KCNAB2: variants seen among roughly 807,000 people sequenced by gnomAD.
The protein encoded by KCNAB2 is voltage-gated potassium channel subunit beta-2.
A neutral mutation model predicts 63.6 loss-of-function variants in KCNAB2; 29 were observed. That is an observed-to-expected ratio of 0.46 (90% CI 0.34 to 0.62). The LOEUF (loss-of-function observed/expected upper bound fraction) is 0.62, where lower values mean the gene tolerates loss of function less well. Ranked by LOEUF, KCNAB2 falls within the 20% of genes least tolerant of loss-of-function variation. The pLI, the probability that KCNAB2 is intolerant of heterozygous loss-of-function variation, is 0.01. For synonymous variants in KCNAB2, 222 were observed against 224.2 expected (o/e 0.99, Z 0.09); for missense variants, 359 against 563.9 (o/e 0.64, Z 3.68).
At chr1:6,000,656 G>A (rs201849661) in intron 1 of KCNAB2, among the ~76,000 whole-genome samples, 431 of 141,620 alleles carry the variant, frequency 3.0e-3, no homozygotes, top group Non-Finnish European at 3.8e-3. Context: ...TCCCAGAAAA[G>A]AAAAAAAAAA....
At chr1:6,049,260 C>T (rs1661193980) in intron 1 of KCNAB2, among the ~76,000 whole-genome samples, 1 of 152,202 alleles carries the variant, frequency 6.6e-6, no homozygotes, top group African/African-American at 2.4e-5. Context: ...GTATCTGAGT[C>T]CCTCCTCTGT....
At chr1:6,063,928 G>A (rs975456961) in intron 2 of KCNAB2, among the ~76,000 whole-genome samples, 4 of 152,156 alleles carry the variant, frequency 2.6e-5, no homozygotes, top group African/African-American at 9.7e-5. Flanking sequence ...ATGTGGTGAG[G>A]CCGATGACAT....
rs1451776776 is a variant in KCNAB2, at chr1:6,071,217, G to A, written c.219-1538G>A. On this transcript the variant is annotated intron_variant, in intron 2 of 15. Transcript: ENST00000378083. The surrounding 1 kb of genome is among the most constrained non-coding windows in gnomAD (Gnocchi z 8.5). Reference sequence around the variant, plus strand: ...AGGGGCCAGGCTTGGACAGGAAAGAGGATAAACTGAGGACATCGCATCCTC... The same window carrying A: ...AGGGGCCAGGCTTGGACAGGAAAGAAGATAAACTGAGGACATCGCATCCTC... Among the ~76,000 whole-genome samples the A allele has an allele frequency of 6.6e-6, 1 of 152,192 alleles. No homozygotes were observed. The highest frequency in any genetic ancestry group is 1.5e-5 in the Non-Finnish European group (1 of 68,038).
Position 6,078,163 on chromosome 1 carries a change from G to T in KCNAB2, c.301-4032G>T, listed in dbSNP as rs146429647. Among the ~76,000 whole-genome samples the T allele has an allele frequency of 6.9e-3, 1,053 of 152,290 alleles. 14 individuals are homozygous for T. The highest frequency in any genetic ancestry group is 0.024 in the African/African-American group (1,000 of 41,564). The stretch of plus-strand genomic sequence containing the variant: ...GCGCTGCTGGCCTTCCTTGGCCTGT[G>T]CCCGCATCCCCCAGTCTCTGCCCCT... On this transcript the variant is annotated intron_variant, in intron 4 of 15. Transcript: ENST00000378083. The surrounding 1 kb of genome is among the most constrained non-coding windows in gnomAD (Gnocchi z 4.2).
upstream of KCNAB2, among the ~76,000 whole-genome samples, chr1:6,033,996 C>A (rs1659836153): frequency 6.6e-6 from 1 of 152,058 alleles, no homozygotes; most frequent in Admixed American, 6.5e-5. Context: ...ACCCCGTCAG[C>A]TGCTAGGCTC....
chr1:5,999,915 T>G (rs1471106589), intron 1 of KCNAB2, among the ~76,000 whole-genome samples: 1 of 143,714 alleles, frequency 7.0e-6, no homozygotes, highest in African/African-American at 2.7e-5. Context: ...GTGCCCTGTC[T>G]GTGCCCCGTC....
At chr1:6,063,138 G>C (rs191278536) in intron 2 of KCNAB2, among the ~76,000 whole-genome samples, 1 of 151,594 alleles carries the variant, frequency 6.6e-6, no homozygotes, top group Non-Finnish European at 1.5e-5. Flanking sequence ...TCCTGCCTCA[G>C]CCTCCCGAGT....
intron 4 of KCNAB2, among the ~76,000 whole-genome samples, chr1:6,080,727 C>T (rs1017172242): frequency 1.3e-5 from 2 of 152,178 alleles, no homozygotes; most frequent in East Asian, 1.9e-4. Flanking sequence ...GCACCAGGTC[C>T]GCCTTCCCAC....
chr1:6,085,313 C>A (rs1350145822), intron 6 of KCNAB2, 65 bp downstream of exon 6: 3 of 1,437,514 alleles, frequency 2.1e-6, no homozygotes, highest in Non-Finnish European at 2.9e-6. Context: ...CCAGGGTCAG[C>A]CTCGTCGGCC....
rs1008165919 is a variant in KCNAB2 at position 6,024,589 on chromosome 1, C to T, written c.-52-15928C>T. Among the ~76,000 whole-genome samples, 6 of 152,244 alleles carry T rather than the reference C, an allele frequency of 3.9e-5. No homozygotes were observed. Among genetic ancestry groups the T allele is most frequent in the Admixed American group, 1.3e-4 (2 of 15,280 alleles). ...GCGAAGCAGCCAGTGAGGTTACTTT[C>T]GCATCCCCTAGCTTTTACCTCTGCT... On this transcript the variant is annotated intron_variant, in intron 1 of 16. Transcript: ENST00000341524. This position sits in a 1 kb window ranked among gnomAD's most constrained non-coding sequence, Gnocchi z 5.4.
At position 6,050,917 on chromosome 1, in the gene KCNAB2, A is replaced by T. The variant is rs116699082; in HGVS notation, c.-26-594A>T. ...AACAAGCAGGGAATGTGTTGTATAGATAGCATTTCCCTTTACAAGGCTAAG... is the reference window on the plus strand; with the variant it reads ...AACAAGCAGGGAATGTGTTGTATAGTTAGCATTTCCCTTTACAAGGCTAAG... On this transcript the variant is annotated intron_variant, in intron 1 of 15. Coordinates refer to ENST00000378083, the MANE Select transcript of KCNAB2 (RefSeq NM_001199862.2). 6.4e-3 allele frequency among the ~76,000 whole-genome samples: 981 copies of T among 152,368 alleles called. 11 individuals are homozygous for T. The highest frequency in any genetic ancestry group is 0.022 in the African/African-American group (915 of 41,596).
chr1:6,072,843 G>C, intron 3 of KCNAB2, 45 bp downstream of exon 3: 1 of 1,597,356 alleles, frequency 6.3e-7, no homozygotes, highest in South Asian at 1.1e-5. Context: ...AACAGGCTGT[G>C]GGGAGGCCGG....
rs759840672 is a variant in KCNAB2, at chr1:6,024,703, G to A, written c.-52-15814G>A. ...CCCACAGAGTCAGGGCAACATCTCC[G>A]TGCTGGGGGCCAAGAGGATAACGGC... is the stretch of plus-strand genomic sequence containing the variant. On this transcript the variant is annotated intron_variant, in intron 1 of 16. Coordinates refer to the KCNAB2 transcript ENST00000341524. The surrounding 1 kb of genome is among the most constrained non-coding windows in gnomAD (Gnocchi z 5.4). Among the ~76,000 whole-genome samples, 3 of 152,156 alleles carry A rather than the reference G, an allele frequency of 2.0e-5. No homozygotes were observed. The highest frequency in any genetic ancestry group is 4.4e-5 in the Non-Finnish European group (3 of 68,038).
At position 6,098,729 on chromosome 1, in the gene KCNAB2, C is replaced by T; in HGVS notation, c.*155C>T. 2.2e-6 allele frequency: 2 copies of T among 916,858 alleles called. 1 individual carries two copies. The allele number at this position is 916,858 out of a possible 1,614,324, so 56.8% of individuals were successfully genotyped here. A position where few individuals can be genotyped will look rare whatever the true frequency, so the allele number is the denominator to read the frequency against. On this transcript the variant is annotated 3_prime_UTR_variant, in exon 16 of 16. Coordinates refer to ENST00000378083, the MANE Select transcript of KCNAB2 (RefSeq NM_001199862.2). Reference sequence around the variant, plus strand: ...CGGGAAATGATCTCCCAAGTCGCTGCCAGACACCACCCACTGCTTCGCCGG... The same window carrying T: ...CGGGAAATGATCTCCCAAGTCGCTGTCAGACACCACCCACTGCTTCGCCGG...
intron 1 of KCNAB2, among the ~76,000 whole-genome samples, chr1:6,017,665 C>A (rs1658588611): frequency 6.6e-6 from 1 of 152,060 alleles, no homozygotes; most frequent in South Asian, 2.1e-4. Context: ...GTGGCAGGTG[C>A]CTGCAATCCC....
chr1:6,003,058 G>A lies in KCNAB2; in HGVS notation c.-53+10270G>A, dbSNP rs1411688070. ...CAGAGGACAGAGCTAGAACATGACC[G>A]CAGCAGACGCCTGATCCTGCGCCCC... On this transcript the variant is annotated intron_variant, in intron 1 of 16. Transcript: ENST00000341524. The surrounding 1 kb of genome is among the most constrained non-coding windows in gnomAD (Gnocchi z 4.1). Among the ~76,000 whole-genome samples, 1 of 152,188 alleles carries A rather than the reference G, an allele frequency of 6.6e-6. No homozygotes were observed. The highest frequency in any genetic ancestry group is 6.5e-5 in the Admixed American group (1 of 15,288).
At chr1:6,093,446 C>T (rs545961244) in intron 10 of KCNAB2, among the ~76,000 whole-genome samples, 5 of 152,372 alleles carry the variant, frequency 3.3e-5, no homozygotes, top group Admixed American at 1.3e-4. Flanking sequence ...CTATAACCAG[C>T]AGATTGCTGT....
At chr1:6,054,638 A>C (rs989350368) in intron 2 of KCNAB2, among the ~76,000 whole-genome samples, 8 of 152,196 alleles carry the variant, frequency 5.3e-5, no homozygotes, top group Non-Finnish European at 8.8e-5. Flanking sequence ...AAGAACCTGG[A>C]TACAGAATTT....
intron 3 of KCNAB2, 141 bp downstream of exon 3, chr1:6,072,939 G>A (rs1663335688): frequency 4.5e-6 from 3 of 671,186 alleles, no homozygotes; most frequent in Admixed American, 5.7e-5. Context: ...CAGAGCCCAG[G>A]ATTCAGGGGG....
Sources: allele counts gnomAD v4.1 joint callset (sites outside exome capture counted in the v4.1 genomes callset), GRCh38; gene constraint gnomAD v4.1.1; non-coding constraint Gnocchi (gnomAD v3.1); transcripts MANE v1.5; gene names NCBI Gene and HGNC (gene_info 2026-07-23, HGNC 2026-07-21).